GRM7: variants seen among roughly 807,000 people sequenced by gnomAD.
The protein encoded by GRM7 is glutamate metabotropic receptor 7.
GRM7 carries 35 observed loss-of-function variants against 84.5 expected under a neutral mutation model. The ratio of observed to expected loss-of-function variants is 0.41; its 90% CI spans 0.32 to 0.55. GRM7 has a LOEUF of 0.55. GRM7 is among the 20% of genes least tolerant of loss of function. The pLI is 0.19. For synonymous variants in GRM7, 487 were observed against 455.1 expected (o/e 1.07, Z -0.89); for missense variants, 1,003 against 1,194.6 (o/e 0.84, Z 2.36).
intron 7 of GRM7, chr3:7,561,705 T>C (rs1694035293): frequency 2.8e-6 from 1 of 353,100 alleles, no homozygotes. Context: ...AACTTCTCAA[T>C]GCAAAAAAAT....
intron 8 of GRM7, among the ~76,000 whole-genome samples, chr3:7,582,581 G>T (rs925793936): frequency 2.6e-5 from 4 of 152,228 alleles, no homozygotes; most frequent in Middle Eastern, 3.4e-3. Context: ...TTGCTAAAAA[G>T]GAAAGTGGCT....
At chr3:7,187,023 A>G (rs565112164) in intron 2 of GRM7, among the ~76,000 whole-genome samples, 36 of 152,286 alleles carry the variant, frequency 2.4e-4, no homozygotes, top group Admixed American at 5.2e-4. Context: ...AGAGGACTCC[A>G]GAGGTTGCAG....
intron 8 of GRM7, among the ~76,000 whole-genome samples, chr3:7,653,799 T>C (rs1462350342): frequency 2.0e-5 from 3 of 152,146 alleles, no homozygotes; most frequent in African/African-American, 7.2e-5. Flanking sequence ...AAATACTGAC[T>C]CCTTTGAGCG....
chr3:7,154,855 G>A (rs1694398610), intron 2 of GRM7, among the ~76,000 whole-genome samples: 1 of 152,090 alleles, frequency 6.6e-6, no homozygotes, highest in South Asian at 2.1e-4. Flanking sequence ...CAGCCTTCAA[G>A]GTGAAGCTTT....
chr3:7,671,517 G>A (rs1261420838), intron 8 of GRM7, among the ~76,000 whole-genome samples: 1 of 151,568 alleles, frequency 6.6e-6, no homozygotes. Context: ...GAATGCAGTT[G>A]TGTGTAGCCT....
intron 1 of GRM7, among the ~76,000 whole-genome samples, chr3:7,057,369 G>A (rs1697265396): frequency 1.3e-5 from 2 of 151,740 alleles, no homozygotes; most frequent in Admixed American, 1.3e-4. Context: ...TAAATTAGTA[G>A]ATACAAAGTA....
At chr3:7,299,967 A>G (rs1022561699) in intron 3 of GRM7, among the ~76,000 whole-genome samples, 3 of 151,740 alleles carry the variant, frequency 2.0e-5, no homozygotes, top group African/African-American at 7.2e-5. Flanking sequence ...TGTGATAAAA[A>G]CATAACATGC....
At chr3:7,617,512 T>G (rs2125085245) in intron 8 of GRM7, among the ~76,000 whole-genome samples, 1 of 152,170 alleles carries the variant, frequency 6.6e-6, no homozygotes, top group Middle Eastern at 3.4e-3. Flanking sequence ...TCAGAAGAAC[T>G]TTCTAAGTAA....
intron 1 of GRM7, among the ~76,000 whole-genome samples, chr3:6,943,964 T>G (rs1484197153): frequency 6.6e-6 from 1 of 152,118 alleles, no homozygotes; most frequent in African/African-American, 2.4e-5. Context: ...TTTTGAAAAC[T>G]ATTTTCAATT....
chr3:7,491,412 G>GTA (rs59392949), intron 7 of GRM7, among the ~76,000 whole-genome samples: 12,294 of 149,602 alleles, frequency 0.082, 590 homozygotes, highest in African/African-American at 0.14. Flanking sequence ...GATTTAGATG[G>GTA]TATATATATA....
At chr3:7,365,131 C>T (rs1463672883) in intron 4 of GRM7, among the ~76,000 whole-genome samples, 2 of 151,794 alleles carry the variant, frequency 1.3e-5, no homozygotes, top group Non-Finnish European at 2.9e-5. Flanking sequence ...GTTGCCAATA[C>T]TTGATTTGCT....
At chr3:7,550,814 G>A (rs959052053) in intron 7 of GRM7, among the ~76,000 whole-genome samples, 10 of 151,984 alleles carry the variant, frequency 6.6e-5, no homozygotes, top group African/African-American at 9.7e-5. Flanking sequence ...TGGATGGTGC[G>A]TACTCAAATC....
At chr3:7,573,326 G>T (rs2125048234) in intron 7 of GRM7, among the ~76,000 whole-genome samples, 2 of 152,138 alleles carry the variant, frequency 1.3e-5, no homozygotes, top group East Asian at 3.9e-4. Context: ...TAATATTGCA[G>T]AGAATTATGC....
At chr3:7,274,879 TTG>T (rs1428894473) in intron 2 of GRM7, among the ~76,000 whole-genome samples, 1 of 152,088 alleles carries the variant, frequency 6.6e-6, no homozygotes, top group Non-Finnish European at 1.5e-5. Flanking sequence ...CAAATATTTC[TTG>T]TGTTCCTGTT....
At chr3:7,401,490 T>C (rs954554332) in intron 4 of GRM7, among the ~76,000 whole-genome samples, 7 of 152,110 alleles carry the variant, frequency 4.6e-5, no homozygotes, top group Non-Finnish European at 5.9e-5. Context: ...GTACTCCTAC[T>C]AATAGCACTC....
chr3:7,469,536 A>G (rs1698608900), intron 7 of GRM7, among the ~76,000 whole-genome samples: 1 of 152,202 alleles, frequency 6.6e-6, no homozygotes. Context: ...GTTAAAGTTA[A>G]CTAATCATCA....
intron 9 of GRM7, among the ~76,000 whole-genome samples, chr3:7,728,430 T>C (rs1457007178): frequency 2.0e-5 from 3 of 152,214 alleles, no homozygotes; most frequent in Non-Finnish European, 4.4e-5. Flanking sequence ...AATTTTGTTG[T>C]AACTGAAAGG....
chr3:7,497,282 GACC>G (rs1699739666), intron 7 of GRM7, among the ~76,000 whole-genome samples: 2 of 152,128 alleles, frequency 1.3e-5, no homozygotes, highest in African/African-American at 4.8e-5. Context: ...TTTTAGAGGT[GACC>G]ACATCACAGC....
chr3:7,139,697 C>T (rs1273396855), intron 1 of GRM7, among the ~76,000 whole-genome samples: 3 of 151,930 alleles, frequency 2.0e-5, no homozygotes, highest in South Asian at 2.1e-4. Context: ...TATAAAGATA[C>T]TTTCATAGGT....
Sources: allele counts gnomAD v4.1 joint callset (sites outside exome capture counted in the v4.1 genomes callset), GRCh38; gene constraint gnomAD v4.1.1; transcripts MANE v1.5; gene names NCBI Gene and HGNC (gene_info 2026-07-23, HGNC 2026-07-21).